The following GALNT11 variants were observed in gnomAD, a reference collection of about 807,000 sequenced individuals.
The protein encoded by GALNT11 is polypeptide N-acetylgalactosaminyltransferase 11.
A neutral mutation model predicts 72.7 loss-of-function variants in GALNT11; 47 were observed. The observed-to-expected ratio is 0.65, with a 90% CI of 0.51 to 0.82. GALNT11 has a LOEUF of 0.82. Among genes scored for constraint, GALNT11 ranks in the 40% least tolerant of loss-of-function variants. The pLI, the probability that GALNT11 is intolerant of heterozygous loss-of-function variation, is 0.00. For synonymous variants in GALNT11, 270 were observed against 286.6 expected (o/e 0.94, Z 0.58); for missense variants, 677 against 778.4 (o/e 0.87, Z 1.55).
At chr7:152,116,969 G>C (rs2088926707) in intron 8 of GALNT11, 188 bp from the exon 9 acceptor site, 2 of 696,802 alleles carry the variant, frequency 2.9e-6, no homozygotes, top group Non-Finnish European at 5.2e-6. Context: ...CGATGACTGA[G>C]ACTCACGAGT....
In GALNT11 at chr7:152,108,191, T is replaced by C; in HGVS notation, c.866T>C (p.Val289Ala). ...ACGCTGGCCTACAGCTCGTCCCCTG[T>C]CGTCCGCGGAGGGTTCAACTGGGGA... Reference protein sequence around the residue: ...ADTLAYSSSPVVRGGFNWGLH... With the variant: ...ADTLAYSSSPAVRGGFNWGLH... The change falls in exon 6 of 12, where the codon GTC (valine) becomes GCC (alanine). Residue 289 changes from valine (V) to alanine (A), a missense_variant. Transcript: ENST00000430044. The C allele has an allele frequency of 6.2e-7, 1 of 1,614,142 alleles. No homozygotes were observed. Among genetic ancestry groups the C allele is most frequent in the Non-Finnish European group, 8.5e-7 (1 of 1,180,034 alleles).
chr7:152,111,904 A>T (rs910798748), intron 7 of GALNT11, among the ~76,000 whole-genome samples: 1 of 152,096 alleles, frequency 6.6e-6, no homozygotes, highest in African/African-American at 2.4e-5. Flanking sequence ...GCATTATACC[A>T]TCACCCCATG....
At chr7:152,048,001 T>C (rs533390670) in intron 1 of GALNT11, among the ~76,000 whole-genome samples, 1 of 152,090 alleles carries the variant, frequency 6.6e-6, no homozygotes, top group South Asian at 2.1e-4. Flanking sequence ...TACCACTGAG[T>C]TTTGTACCTT....
intron 1 of GALNT11, among the ~76,000 whole-genome samples, chr7:152,091,250 T>A (rs909444459): frequency 6.6e-6 from 1 of 151,264 alleles, no homozygotes; most frequent in Non-Finnish European, 1.5e-5. Context: ...TATTATTATT[T>A]TTGTGTGTGA....
intron 1 of GALNT11, among the ~76,000 whole-genome samples, chr7:152,058,356 T>C (rs1352116301): frequency 1.3e-5 from 2 of 152,018 alleles, no homozygotes; most frequent in African/African-American, 4.8e-5. Context: ...TTTTGTTTTG[T>C]TTTTTTGAGA....
intron 4 of GALNT11, 85 bp from the exon 5 acceptor site, chr7:152,105,160 G>A: frequency 7.1e-7 from 1 of 1,417,862 alleles, no homozygotes; most frequent in African/African-American, 1.4e-5. Context: ...ATTTTAGCAA[G>A]TACTAGATAC....
At chr7:152,051,557 A>G (rs1219151793) in intron 1 of GALNT11, among the ~76,000 whole-genome samples, 1 of 152,054 alleles carries the variant, frequency 6.6e-6, no homozygotes, top group Non-Finnish European at 1.5e-5. Context: ...GGTTTTCCAA[A>G]CATAAAATGG....
At chr7:152,041,519 G>C (rs573445307) in intron 1 of GALNT11, among the ~76,000 whole-genome samples, 1 of 152,202 alleles carries the variant, frequency 6.6e-6, no homozygotes, top group Non-Finnish European at 1.5e-5. Context: ...ATTAGCATGT[G>C]GAAGAAAAAG....
intron 10 of GALNT11, chr7:152,119,418 A>G (rs1211171010): frequency 6.6e-6 from 1 of 150,788 alleles, no homozygotes; most frequent in Non-Finnish European, 1.5e-5. Context: ...TTTCTATTTT[A>G]GTGGTGGGTT....
At position 152,034,017 on chromosome 7, in the gene GALNT11, C is replaced by T. The variant is rs140148890; in HGVS notation, c.-39+8133C>T. ...TGTACCTATCAGGATCATCTGAAAACTTACCCAGGTCTGCCTTGATCTGCT... is the reference window on the plus strand; with the variant it reads ...TGTACCTATCAGGATCATCTGAAAATTTACCCAGGTCTGCCTTGATCTGCT... On this transcript the variant is annotated intron_variant, in intron 1 of 11. Coordinates refer to ENST00000430044, the MANE Select transcript of GALNT11 (RefSeq NM_022087.4). Among the ~76,000 whole-genome samples, 491 of 152,304 alleles carry T rather than the reference C, an allele frequency of 3.2e-3. 17 individuals carry two copies. The East Asian group carries it at 0.079, about 24-fold the overall frequency.
chr7:152,035,580 GA>G (rs2082533453), intron 1 of GALNT11, among the ~76,000 whole-genome samples: 1 of 152,168 alleles, frequency 6.6e-6, no homozygotes, highest in Admixed American at 6.5e-5. Context: ...GGAAGTACAG[GA>G]AAAGCGGAAA....
chr7:152,109,905 CCAGCA>C (rs1191216856), intron 6 of GALNT11, among the ~76,000 whole-genome samples: 1 of 152,142 alleles, frequency 6.6e-6, no homozygotes, highest in Non-Finnish European at 1.5e-5. Flanking sequence ...TTTTCTCACT[CCAGCA>C]CAGGGCTTCT....
In GALNT11 at chr7:152,049,360, A is replaced by G. The variant is rs192745147; in HGVS notation, c.-39+23476A>G. Among the ~76,000 whole-genome samples the G allele has an allele frequency of 3.3e-5, 5 of 152,358 alleles. No homozygotes were observed. In the East Asian group the frequency reaches 9.6e-4, roughly 29 times the overall value. On this transcript the variant is annotated intron_variant, in intron 1 of 11. Coordinates refer to ENST00000430044, the MANE Select transcript of GALNT11 (RefSeq NM_022087.4). The stretch of plus-strand genomic sequence containing the variant: ...CTGCCTTAGATGACACCCCAAGCCC[A>G]GTAACACAGTGGCTCTTTTAGACTT...
intron 1 of GALNT11, among the ~76,000 whole-genome samples, chr7:152,070,244 CTT>C (rs1407228531): frequency 3.3e-5 from 5 of 152,178 alleles, no homozygotes; most frequent in African/African-American, 1.2e-4. Context: ...GATCCGCTTG[CTT>C]TGTCCTCCCA....
At chr7:152,044,319 A>G (rs868862832) in intron 1 of GALNT11, among the ~76,000 whole-genome samples, 3 of 152,326 alleles carry the variant, frequency 2.0e-5, no homozygotes, top group African/African-American at 7.2e-5. Context: ...TCCTTAAGGC[A>G]CAGCTCGCTC....
At chr7:152,107,027 G>A (rs17173336) in intron 5 of GALNT11, among the ~76,000 whole-genome samples, 7,748 of 152,240 alleles carry the variant, frequency 0.051, 334 homozygotes, top group East Asian at 0.2. Context: ...ACACTGAGCT[G>A]TGGGACTGAT....
At chr7:152,090,939 G>C (rs1437170481) in intron 1 of GALNT11, among the ~76,000 whole-genome samples, 7 of 152,172 alleles carry the variant, frequency 4.6e-5, no homozygotes, top group Non-Finnish European at 1.0e-4. Context: ...AATCATAAGG[G>C]AAGTGGGGAG....
intron 1 of GALNT11, among the ~76,000 whole-genome samples, chr7:152,040,661 T>G (rs1184001315): frequency 6.6e-6 from 1 of 152,228 alleles, no homozygotes; most frequent in East Asian, 1.9e-4. Context: ...GTTGTTCATC[T>G]GTATGAAATC....
chr7:152,060,583 G>A (rs1441186715), intron 1 of GALNT11, among the ~76,000 whole-genome samples: 5 of 151,528 alleles, frequency 3.3e-5, no homozygotes, highest in Non-Finnish European at 7.4e-5. Context: ...TCATTAACTC[G>A]TCATTTACAT....
Sources: allele counts gnomAD v4.1 joint callset (sites outside exome capture counted in the v4.1 genomes callset), GRCh38; gene constraint gnomAD v4.1.1; transcripts MANE v1.5; gene names NCBI Gene and HGNC (gene_info 2026-07-23, HGNC 2026-07-21).